The following PDE8B variants were observed in gnomAD, a reference collection of about 807,000 sequenced individuals.
PDE8B encodes the protein phosphodiesterase 8B.
A neutral mutation model predicts 101.3 loss-of-function variants in PDE8B; 26 were observed. That is an observed-to-expected ratio of 0.26 (90% confidence interval 0.19 to 0.36). PDE8B has a LOEUF of 0.36. Ranked by LOEUF, PDE8B falls within the 10% of genes least tolerant of loss-of-function variation. The pLI, the probability that PDE8B is intolerant of heterozygous loss-of-function variation, is 1.00. For missense variants in PDE8B, 810 were observed against 1,163.1 expected (o/e 0.70, Z 4.42); for synonymous variants, 424 against 429.3 (o/e 0.99, Z 0.15).
At chr5:77,413,492 C>T (rs1441079166) in intron 17 of PDE8B, among the ~76,000 whole-genome samples, 183 bp downstream of exon 17, 2 of 152,072 alleles carry the variant, frequency 1.3e-5, no homozygotes, top group African/African-American at 2.4e-5. Context: ...TTTCTGCCAG[C>T]CCTCCCCTCC....
intron 10 of PDE8B, among the ~76,000 whole-genome samples, chr5:77,392,777 T>G (rs770003351): frequency 4.6e-5 from 7 of 152,174 alleles, no homozygotes; most frequent in Admixed American, 1.3e-4. Flanking sequence ...AGCAGTACAT[T>G]GGCAATGGAA....
chr5:77,091,519 A>G, the PDE8B span, among the ~76,000 whole-genome samples: 1 of 152,188 alleles, frequency 6.6e-6, no homozygotes, highest in South Asian at 2.1e-4. Flanking sequence ...GTGGGTCCCT[A>G]TAAGCCCAGC....
At chr5:77,096,085 G>A in the PDE8B span, among the ~76,000 whole-genome samples, 29 of 152,162 alleles carry the variant, frequency 1.9e-4, no homozygotes, top group Admixed American at 1.1e-3. Flanking sequence ...CAGCCTCCAG[G>A]TTCCAGCAAT....
At chr5:77,141,705 A>G in the PDE8B span, 1 of 152,210 alleles carries the variant, frequency 6.6e-6, no homozygotes, top group Admixed American at 6.5e-5. Context: ...CCAGGTGGCT[A>G]CTACCCAGTA....
the PDE8B span, chr5:77,118,569 T>G: frequency 2.5e-6 from 1 of 394,104 alleles, no homozygotes; most frequent in African/African-American, 2.1e-5. Flanking sequence ...TGCTTATTTC[T>G]CAGATCAGTG....
At chr5:77,133,294 C>A in the PDE8B span, among the ~76,000 whole-genome samples, 2 of 152,192 alleles carry the variant, frequency 1.3e-5, no homozygotes, top group African/African-American at 4.8e-5. Flanking sequence ...CAAAGCCAAA[C>A]CCTCCTGGCC....
the PDE8B span, among the ~76,000 whole-genome samples, chr5:77,185,102 T>C: frequency 6.6e-6 from 1 of 152,232 alleles, no homozygotes; most frequent in Non-Finnish European, 1.5e-5. Flanking sequence ...TTCTTGTATT[T>C]ACAGTCTTTT....
chr5:77,387,268 A>G (rs1245112997), intron 10 of PDE8B, among the ~76,000 whole-genome samples: 4 of 152,100 alleles, frequency 2.6e-5, no homozygotes, highest in Non-Finnish European at 4.4e-5. Flanking sequence ...TGGTGTTGAG[A>G]AAATCTCTCG....
At chr5:77,366,995 G>A (rs1581267960) in intron 10 of PDE8B, among the ~76,000 whole-genome samples, 1 of 152,106 alleles carries the variant, frequency 6.6e-6, no homozygotes, top group Non-Finnish European at 1.5e-5. Context: ...GACCAAGGGG[G>A]TCCAGGCCCC....
At chr5:77,359,507 G>A (rs1025913070) in intron 10 of PDE8B, among the ~76,000 whole-genome samples, 21 of 152,144 alleles carry the variant, frequency 1.4e-4, no homozygotes, top group African/African-American at 4.1e-4. Context: ...TTTTTGACCC[G>A]TCTGTTCTCT....
Position 77,329,026 on chromosome 5 carries a change from C to T in PDE8B, c.619C>T (p.His207Tyr), listed in dbSNP as rs1381978240. 2.5e-6 allele frequency: 4 copies of T among 1,613,926 alleles called. No homozygotes were observed. The Admixed American group carries it at 5.0e-5, about 20-fold the overall frequency. ...RSIRATNPSE[H>Y]TVILAVVSRV... ...GATCCGGGCCACAAATCCCTCCGAG[C>T]ACACGGTGATCCTCGCAGTGGTTTC... Residue 207 changes from histidine to tyrosine, a missense_variant, in exon 4 of 22, where the codon CAC (histidine) becomes TAC (tyrosine). Coordinates refer to ENST00000264917, the MANE Select transcript of PDE8B (RefSeq NM_003719.5).
intron 1 of PDE8B, among the ~76,000 whole-genome samples, chr5:77,303,272 C>G (rs1009587168): frequency 1.3e-5 from 2 of 152,058 alleles, no homozygotes; most frequent in African/African-American, 4.8e-5. Context: ...GAGTGTGGTG[C>G]CTCATGCCTG....
chr5:77,223,864 G>A (rs947215819), intron 1 of PDE8B, among the ~76,000 whole-genome samples: 3 of 152,180 alleles, frequency 2.0e-5, no homozygotes, highest in African/African-American at 7.2e-5. Flanking sequence ...AGCCCCCTCC[G>A]CTGATCAGCA....
In PDE8B at chr5:77,412,148, A is replaced by G. The variant is rs755481060; in HGVS notation, c.1625A>G (p.Asp542Gly). 1 of 1,613,962 alleles carries G rather than the reference A, an allele frequency of 6.2e-7. No individual in the cohort carries two copies. The highest frequency in any genetic ancestry group is 8.5e-7 in the Non-Finnish European group (1 of 1,179,816). ...SHLAMPITINDVPPCISQLLD... is the reference protein window; with the variant it reads ...SHLAMPITINGVPPCISQLLD... ...CTTGCAATGCCAATAACCATCAATG[A>G]TGTTCCCCCTTGTATCTCTCAATTA... Residue 542 changes from aspartate to glycine, a missense_variant, in exon 16 of 22, where the codon GAT becomes GGT. Physicochemically the swap from Asp to Gly is moderately conservative, Grantham distance 94. Coordinates refer to ENST00000264917, the MANE Select transcript of PDE8B (RefSeq NM_003719.5).
intron 5 of PDE8B, among the ~76,000 whole-genome samples, chr5:77,333,197 C>T (rs1482297476): frequency 2.6e-5 from 4 of 152,112 alleles, no homozygotes; most frequent in African/African-American, 9.7e-5. Flanking sequence ...TGTCTGTTAT[C>T]TCTTCTCACA....
the PDE8B span, chr5:77,147,529 A>G: frequency 1.3e-5 from 2 of 151,608 alleles, no homozygotes; most frequent in African/African-American, 4.9e-5. Context: ...TGTTAACTGA[A>G]TACCACTCTG....
the PDE8B span, among the ~76,000 whole-genome samples, chr5:77,116,996 G>T: frequency 1.3e-5 from 2 of 152,242 alleles, no homozygotes; most frequent in Admixed American, 6.5e-5. Flanking sequence ...TCTACACCCG[G>T]TTTCCACCTG....
chr5:77,165,342 C>G, the PDE8B span: 1 of 151,976 alleles, frequency 6.6e-6, no homozygotes, highest in Non-Finnish European at 1.5e-5. Flanking sequence ...TGAAAAATTC[C>G]TGAAATTTTC....
intron 1 of PDE8B, among the ~76,000 whole-genome samples, chr5:77,299,271 A>G (rs142158945): frequency 0.16 from 23,064 of 142,132 alleles, 1,845 homozygotes; most frequent in East Asian, 0.29. Context: ...TGTTTGTTTT[A>G]TTTTATTATT....
Sources: gnomAD v4.1 joint callset for allele counts (sites outside exome capture counted in the v4.1 genomes callset) on GRCh38, gnomAD v4.1.1 for gene constraint, MANE v1.5 for transcripts, NCBI Gene and HGNC (gene_info 2026-07-23, HGNC 2026-07-21) for gene names.